Variants in NCALD observed in about 807,000 individuals in gnomAD.
The protein encoded by NCALD is neurocalcin-delta.
NCALD carries 10 observed loss-of-function variants against 18.6 expected under a neutral mutation model. The ratio of observed to expected loss-of-function variants is 0.54; its 90% confidence interval spans 0.33 to 0.91. The LOEUF is 0.91. NCALD is among the 40% of genes least tolerant of loss of function. The pLI, the probability that NCALD is intolerant of heterozygous loss-of-function variation, is 0.03. For missense variants in NCALD, 184 were observed against 247.6 expected (o/e 0.74, Z 1.72); for synonymous variants, 88 against 87.4 (o/e 1.01, Z -0.04).
chr8:102,012,864 C>T (rs1821953392), intron 2 of NCALD, among the ~76,000 whole-genome samples: 1 of 152,166 alleles, frequency 6.6e-6, no homozygotes, highest in Admixed American at 6.5e-5. Context: ...CATAGCAGAT[C>T]ACCACATTGC....
chr8:101,897,889 G>A (rs767102704), intron 3 of NCALD, among the ~76,000 whole-genome samples: 1 of 152,166 alleles, frequency 6.6e-6, no homozygotes, highest in Non-Finnish European at 1.5e-5. Context: ...CCATAATTCC[G>A]TGTTGTAGGA....
intron 3 of NCALD, 124 bp downstream of exon 3, chr8:101,692,667 C>T (rs1207543634): frequency 1.4e-6 from 2 of 1,387,964 alleles, no homozygotes; most frequent in East Asian, 2.5e-5. Flanking sequence ...CTCCTACCCA[C>T]CCAGGAGGCT....
chr8:102,029,351 G>T (rs1822582352), intron 1 of NCALD, among the ~76,000 whole-genome samples: 1 of 152,264 alleles, frequency 6.6e-6, no homozygotes, highest in South Asian at 2.1e-4. Flanking sequence ...TAAGTCTGTG[G>T]CGGGCCTTGA....
intron 4 of NCALD, among the ~76,000 whole-genome samples, chr8:101,869,794 G>T (rs1455247337): frequency 6.6e-6 from 1 of 152,174 alleles, no homozygotes; most frequent in Non-Finnish European, 1.5e-5. Context: ...GGTATTGTTA[G>T]CATAATGGCA....
At chr8:102,033,321 C>T (rs992261775) in intron 1 of NCALD, among the ~76,000 whole-genome samples, 7 of 152,256 alleles carry the variant, frequency 4.6e-5, no homozygotes, top group Admixed American at 1.3e-4. Context: ...CTCTTGAAAG[C>T]TTATGGAACT....
chr8:102,008,860 C>A (rs936349243), intron 2 of NCALD, among the ~76,000 whole-genome samples: 1 of 149,600 alleles, frequency 6.7e-6, no homozygotes, highest in Non-Finnish European at 1.5e-5. Flanking sequence ...TTGGGTTTCT[C>A]CTGTTTATCT....
chr8:101,697,351 A>C (rs1273199915), intron 2 of NCALD, among the ~76,000 whole-genome samples: 4 of 152,220 alleles, frequency 2.6e-5, no homozygotes, highest in Non-Finnish European at 4.4e-5. Flanking sequence ...TTCACAGCCA[A>C]ATTCTACCAG....
intron 4 of NCALD, among the ~76,000 whole-genome samples, chr8:101,824,213 A>T (rs1383456678): frequency 6.6e-6 from 1 of 152,204 alleles, no homozygotes; most frequent in Non-Finnish European, 1.5e-5. Flanking sequence ...TATTACTGGC[A>T]GTATTTGTTA....
chr8:101,893,139 A>G (rs1242817841), intron 3 of NCALD, among the ~76,000 whole-genome samples: 9 of 151,924 alleles, frequency 5.9e-5, no homozygotes, highest in African/African-American at 2.2e-4. Flanking sequence ...CACAAAGGGA[A>G]GCCCATCAGA....
chr8:101,690,439 G>A (rs1814673745), intron 3 of NCALD: 1 of 985,328 alleles, frequency 1.0e-6, no homozygotes, highest in East Asian at 1.1e-4. Flanking sequence ...CACCCGGCCT[G>A]CCTGGCTCTG....
intron 4 of NCALD, among the ~76,000 whole-genome samples, chr8:101,877,658 G>A (rs1452159870): frequency 5.3e-5 from 8 of 152,192 alleles, no homozygotes; most frequent in South Asian, 2.1e-4. Context: ...ATGGACCCTG[G>A]AGCCAGACTC....
intron 3 of NCALD, among the ~76,000 whole-genome samples, chr8:101,892,365 A>C (rs1028253000): frequency 1.4e-5 from 2 of 147,222 alleles, no homozygotes; most frequent in African/African-American, 5.4e-5. Context: ...CCATCTGTAC[A>C]TCACCATTAT....
At chr8:101,882,412 C>T (rs940645806) in intron 4 of NCALD, among the ~76,000 whole-genome samples, 2 of 152,072 alleles carry the variant, frequency 1.3e-5, no homozygotes, top group Non-Finnish European at 2.9e-5. Flanking sequence ...GAGGATACAG[C>T]GAGAAGGCAC....
At chr8:101,965,221 C>G (rs1275825753) in intron 2 of NCALD, among the ~76,000 whole-genome samples, 3 of 152,106 alleles carry the variant, frequency 2.0e-5, no homozygotes, top group Non-Finnish European at 4.4e-5. Context: ...CCTCAAGGAT[C>G]TAGAACTAGA....
At chr8:101,833,576 G>GC (rs1814274066) in intron 4 of NCALD, among the ~76,000 whole-genome samples, 1 of 147,436 alleles carries the variant, frequency 6.8e-6, no homozygotes, top group Non-Finnish European at 1.5e-5. Context: ...TTTTCCATGA[G>GC]CAATTAAGAT....
chr8:101,722,670 G>A (rs114761996), intron 1 of NCALD, among the ~76,000 whole-genome samples: 2,397 of 152,250 alleles, frequency 0.016, 58 homozygotes, highest in African/African-American at 0.055. Flanking sequence ...TTTAAAAAGT[G>A]CTTCAAATTT....
chr8:101,944,666 A>G (rs1819099407), intron 2 of NCALD, among the ~76,000 whole-genome samples: 1 of 152,170 alleles, frequency 6.6e-6, no homozygotes, highest in Non-Finnish European at 1.5e-5. Context: ...ATGAAAGAGC[A>G]GGAGGAGAGT....
At chr8:102,102,239 A>G (rs1587085537) in intron 1 of NCALD, among the ~76,000 whole-genome samples, 2 of 152,214 alleles carry the variant, frequency 1.3e-5, no homozygotes, top group African/African-American at 4.8e-5. Context: ...ACAAAAAAAA[A>G]TTGTGTCCAT....
upstream of NCALD, among the ~76,000 whole-genome samples, chr8:101,794,680 A>G (rs1812573668): frequency 6.6e-6 from 1 of 152,186 alleles, no homozygotes; most frequent in African/African-American, 2.4e-5. Context: ...TAAATCATTT[A>G]CTATAATAAT....
Sources: allele counts gnomAD v4.1 joint callset (sites outside exome capture counted in the v4.1 genomes callset), GRCh38; gene constraint gnomAD v4.1.1; transcripts MANE v1.5; gene names NCBI Gene and HGNC (gene_info 2026-07-23, HGNC 2026-07-21).